The following IGDCC4 variants were observed in gnomAD, a reference collection of about 807,000 sequenced individuals.
IGDCC4 encodes immunoglobulin superfamily DCC subclass member 4.
A neutral mutation model predicts 116.6 loss-of-function variants in IGDCC4; 72 were observed. That is an observed-to-expected ratio of 0.62 (90% CI 0.51 to 0.75). IGDCC4 has a LOEUF of 0.75. Among genes scored for constraint, IGDCC4 ranks in the 30% least tolerant of loss-of-function variants. The probability of loss-of-function intolerance (pLI) is 0.00; values close to 1 mark genes in which losing one functional copy is unlikely to be tolerated. For missense variants in IGDCC4, 1,501 were observed against 1,662.4 expected (o/e 0.90, Z 1.69); for synonymous variants, 709 against 719.9 (o/e 0.98, Z 0.24).
rs753063584 is a variant in IGDCC4, at chr15:65,390,234, T to C, written c.2329A>G (p.Thr777Ala). The C allele has an allele frequency of 6.2e-7, 1 of 1,613,416 alleles. No individual in the cohort carries two copies. The highest frequency in any genetic ancestry group is 8.5e-7 in the Non-Finnish European group (1 of 1,179,496). ...ACAGTGTAGTTGACAATCTTGACTG[T>C]GGTGAAATCTGGCTTTTTCCACCGA... ...WLRWKKPDFTTVKIVNYTVRF... is the reference protein window; with the variant it reads ...WLRWKKPDFTAVKIVNYTVRF... Residue 777 changes from threonine to alanine, a missense_variant, in exon 13 of 20, where the codon ACA becomes GCA. Thr to Ala is a moderately conservative substitution (Grantham distance 58). Around this residue, in one of 3 missense-constraint regions of IGDCC4, gnomAD observed 235 missense variants for 328.0 expected, o/e 0.72. Transcript: ENST00000352385.
chr15:65,386,490 C>T (rs961052859), intron 17 of IGDCC4, 61 bp downstream of exon 17: 55 of 1,412,472 alleles, frequency 3.9e-5, no homozygotes, highest in Non-Finnish European at 4.4e-5. Context: ...CCTGATGGCC[C>T]ATTCTGCAGC....
At chr15:65,406,487 TG>T (rs1330695600) in intron 3 of IGDCC4, among the ~76,000 whole-genome samples, 1 of 152,156 alleles carries the variant, frequency 6.6e-6, no homozygotes, top group Admixed American at 6.5e-5. Flanking sequence ...GGATTTGCCT[TG>T]GGGTCTAGTC....
In IGDCC4 at chr15:65,384,144, A is replaced by T; in HGVS notation, c.3618T>A (p.Ala1206=). 6.2e-7 allele frequency: 1 copy of T among 1,613,696 alleles called. No homozygotes were observed. The highest frequency in any genetic ancestry group is 8.5e-7 in the Non-Finnish European group (1 of 1,179,842). Residue 1206 remains alanine, a synonymous_variant, in exon 20 of 20, where the codon GCT becomes GCA. Coordinates refer to ENST00000352385, the MANE Select transcript of IGDCC4 (RefSeq NM_020962.3). The surrounding 1 kb of genome is among the most constrained non-coding windows in gnomAD (Gnocchi z 4.9). ...GCTGGAGGTCCGGGTAGGAGCAGGA[A>T]GCACTGGCTGCCTCTGGCAAGCAGG... The part of the protein sequence containing the change: ...RLTCLPEAAS[A]SCSYPDLQPG...
intron 1 of IGDCC4, among the ~76,000 whole-genome samples, chr15:65,416,062 G>A (rs1300446957): frequency 1.3e-5 from 2 of 149,526 alleles, no homozygotes; most frequent in East Asian, 3.9e-4. Context: ...CTTCTCAAAC[G>A]TTTTCACCCA....
At position 65,402,445 on chromosome 15, in the gene IGDCC4, A is replaced by T; in HGVS notation, c.606T>A (p.Val202=). 3 of 1,566,912 alleles carry T rather than the reference A, an allele frequency of 1.9e-6. No homozygotes were observed. The highest frequency in any genetic ancestry group is 2.6e-6 in the Non-Finnish European group (3 of 1,155,044). The part of the protein sequence containing the change: ...LPNGVLQILD[V]QESDAGPYRC... ...GGTAGGGGCCTGCATCACTCTCCTG[A>T]ACATCCAGGATCTGAAGGACGCCGT... The change falls in exon 4 of 20, where the codon GTT becomes GTA. Residue 202 remains valine, a synonymous_variant. Coordinates refer to ENST00000352385, the MANE Select transcript of IGDCC4 (RefSeq NM_020962.3).
intron 5 of IGDCC4, 32 bp from the exon 6 acceptor site, chr15:65,397,021 G>T: frequency 6.4e-7 from 1 of 1,562,724 alleles, no homozygotes; most frequent in South Asian, 1.2e-5. Context: ...CGCTGGAGGG[G>T]ACGCTAGGGA....
chr15:65,390,447 C>T (rs2091503992), intron 12 of IGDCC4, 109 bp from the exon 13 acceptor site: 1 of 866,370 alleles, frequency 1.2e-6, no homozygotes, highest in Admixed American at 3.1e-5. Context: ...CTCCTTTGAT[C>T]CTGTGAGTTG....
In IGDCC4 at chr15:65,394,542, C is replaced by A; in HGVS notation, c.1583G>T (p.Ser528Ile). ...GGACAGGGAGAGCTGGGGTGCTGCACTGGGGACTGAGACAGAAGAACATCA... is the reference window on the plus strand; with the variant it reads ...GGACAGGGAGAGCTGGGGTGCTGCAATGGGGACTGAGACAGAAGAACATCA... ...ALVHTLDDVP[S>I]AAPQLSLSSP... Residue 528 changes from serine (S) to isoleucine (I), a missense_variant, in exon 9 of 20, where the codon AGT becomes ATT. By Grantham distance (142) the Ser-to-Ile change is moderately radical. This residue lies in a region of IGDCC4 where 898 missense variants were observed against 978.9 expected (regional missense o/e 0.92). Transcript: ENST00000352385. 1.2e-6 allele frequency: 2 copies of A among 1,601,276 alleles called. No homozygotes were observed.
intron 6 of IGDCC4, 104 bp from the exon 7 acceptor site, chr15:65,396,267 C>T (rs1275263044): frequency 7.2e-6 from 9 of 1,246,994 alleles, no homozygotes; most frequent in East Asian, 2.7e-5. Flanking sequence ...CCTCGCTCCC[C>T]TTCCAATCAC....
intron 2 of IGDCC4, 118 bp from the exon 3 acceptor site, chr15:65,410,437 C>T: frequency 1.7e-6 from 2 of 1,208,490 alleles, no homozygotes; most frequent in East Asian, 2.5e-5. Context: ...CACAGAAACA[C>T]ACAGCAGAGC....
Position 65,386,049 on chromosome 15 carries a change from G to A in IGDCC4, c.2962C>T (p.Pro988Ser). The change falls in exon 18 of 20, where the codon CCA becomes TCA. Residue 988 changes from proline to serine, a missense_variant. Physicochemically the swap from Pro to Ser is moderately conservative, Grantham distance 74. Around this residue, in one of 3 missense-constraint regions of IGDCC4, gnomAD observed 368 missense variants for 355.6 expected, o/e 1.03. Coordinates refer to ENST00000352385, the MANE Select transcript of IGDCC4 (RefSeq NM_020962.3). ...LRRSPHRESLPGLSSTATPGN... is the reference protein window; with the variant it reads ...LRRSPHRESLSGLSSTATPGN... ...GGGGTGGCGGTGGAGGACAGGCCTGGGAGGGATTCCCTGGAAGGGAAGACG... is the reference window on the plus strand; with the variant it reads ...GGGGTGGCGGTGGAGGACAGGCCTGAGAGGGATTCCCTGGAAGGGAAGACG... 6.6e-7 allele frequency: 1 copy of A among 1,516,140 alleles called. No homozygotes were observed. The highest frequency in any genetic ancestry group is 8.8e-7 in the Non-Finnish European group (1 of 1,134,804). 93.9% of individuals were successfully genotyped at this position (1,516,140 alleles called of 1,614,324 possible).
chr15:65,386,685 G>A, intron 16 of IGDCC4, 29 bp from the exon 17 acceptor site: 2 of 1,574,066 alleles, frequency 1.3e-6, no homozygotes, highest in Non-Finnish European at 8.7e-7. Context: ...GCACAGAGCA[G>A]GTCAGGACAG....
intron 1 of IGDCC4, 51 bp from the exon 2 acceptor site, chr15:65,411,421 A>T (rs1335672446): frequency 7.0e-7 from 1 of 1,438,434 alleles, no homozygotes; most frequent in Non-Finnish European, 9.3e-7. Flanking sequence ...CCCACCTCCC[A>T]CAGCCTCTGC....
At chr15:65,408,012 G>T (rs1268439768) in intron 3 of IGDCC4, among the ~76,000 whole-genome samples, 2 of 151,432 alleles carry the variant, frequency 1.3e-5, no homozygotes, top group African/African-American at 2.4e-5. Context: ...CAAGCGATCC[G>T]CCCGCCTTGG....
intron 3 of IGDCC4, among the ~76,000 whole-genome samples, chr15:65,406,939 C>T (rs990463234): frequency 6.6e-6 from 1 of 152,036 alleles, no homozygotes; most frequent in African/African-American, 2.4e-5. Flanking sequence ...CTTCTCTGCT[C>T]CCAGCCACAG....
At position 65,389,395 on chromosome 15, in the gene IGDCC4, G is replaced by C; in HGVS notation, c.2425C>G (p.Leu809Val). Residue 809 changes from leucine (L) to valine (V), a missense_variant, in exon 14 of 20, where the codon CTC (leucine) becomes GTC (valine). By Grantham distance (32) the Leu-to-Val change is conservative (BLOSUM62 1). This residue lies in a region of IGDCC4 where 235 missense variants were observed against 328.0 expected (regional missense o/e 0.72). Transcript: ENST00000352385. ...TYYTSSGEDI[L>V]IGGLKPFTKY... ...GTGAATGGCTTCAAGCCGCCAATGA[G>C]GATGTCTTCTCCAGAACTGCTAAGG... The C allele has an allele frequency of 1.2e-6, 2 of 1,614,190 alleles. No individual in the cohort carries two copies. Among genetic ancestry groups the C allele is most frequent in the Non-Finnish European group, 1.7e-6 (2 of 1,180,032 alleles).
chr15:65,399,108 G>A, intron 5 of IGDCC4, among the ~76,000 whole-genome samples: 1 of 152,138 alleles, frequency 6.6e-6, no homozygotes, highest in East Asian at 1.9e-4. Flanking sequence ...TTAAGATGTA[G>A]AGGACTGAGG....
At chr15:65,404,328 G>A (rs181577900) in intron 3 of IGDCC4, among the ~76,000 whole-genome samples, 24 of 152,264 alleles carry the variant, frequency 1.6e-4, no homozygotes, top group African/African-American at 5.3e-4. Flanking sequence ...GGGGCAGAGC[G>A]AGAGAAAGGG....
chr15:65,395,611 T>C (rs1293366622), intron 7 of IGDCC4, 139 bp downstream of exon 7: 9 of 920,868 alleles, frequency 9.8e-6, no homozygotes, highest in Non-Finnish European at 1.2e-5. Context: ...TATGCGGGTC[T>C]CTCCTATGGG....
Sources: gnomAD v4.1 joint callset for allele counts (sites outside exome capture counted in the v4.1 genomes callset) on GRCh38, gnomAD v4.1.1 for gene constraint, gnomAD v4.1.1 regional missense constraint, Gnocchi (gnomAD v3.1) non-coding constraint, MANE v1.5 for transcripts, NCBI Gene and HGNC (gene_info 2026-07-23, HGNC 2026-07-21) for gene names.